The following LYPD6 variants were observed in gnomAD, a reference collection of about 807,000 sequenced individuals.
LYPD6 encodes the protein ly6/PLAUR domain-containing protein 6.
A neutral mutation model predicts 22.7 loss-of-function variants in LYPD6; 15 were observed. The ratio of observed to expected loss-of-function variants is 0.66; its 90% confidence interval spans 0.44 to 1.02. The LOEUF (loss-of-function observed/expected upper bound fraction) is 1.02, where lower values mean the gene tolerates loss of function less well. Among genes scored for constraint, LYPD6 ranks in the 50% least tolerant of loss-of-function variants. LYPD6 has a pLI of 0.00. For synonymous variants in LYPD6, 72 were observed against 77.5 expected, an observed-to-expected ratio of 0.93 and a Z score of 0.37; for missense variants, 189 against 208.4, an observed-to-expected ratio of 0.91 and a Z score of 0.57.
chr2:149,462,362 C>A (rs188959484), intron 3 of LYPD6, among the ~76,000 whole-genome samples: 60 of 151,668 alleles, frequency 4.0e-4, no homozygotes, highest in Admixed American at 1.3e-3. Flanking sequence ...TAAATCTAAG[C>A]AAAACATGTA....
intron 1 of LYPD6, among the ~76,000 whole-genome samples, chr2:149,428,771 C>T (rs1017831769): frequency 6.6e-6 from 1 of 152,154 alleles, no homozygotes. Flanking sequence ...CGAATGCCCC[C>T]TAGAACTTTG....
chr2:149,376,938 A>T (rs569048213), intron 1 of LYPD6, among the ~76,000 whole-genome samples: 1 of 152,288 alleles, frequency 6.6e-6, no homozygotes, highest in African/African-American at 2.4e-5. Flanking sequence ...TTTTATATAA[A>T]CTGTCTACAG....
chr2:149,361,502 C>T (rs1360414929), intron 1 of LYPD6, among the ~76,000 whole-genome samples: 1 of 152,168 alleles, frequency 6.6e-6, no homozygotes, highest in African/African-American at 2.4e-5. Flanking sequence ...CTCTTAAATA[C>T]ACATCACTTT....
chr2:149,333,257 G>C (rs541213064), intron 1 of LYPD6, among the ~76,000 whole-genome samples: 17 of 152,324 alleles, frequency 1.1e-4, no homozygotes, highest in Non-Finnish European at 1.8e-4. Flanking sequence ...TACTTGCAAA[G>C]CTAGCAATAA....
At chr2:149,359,631 A>G (rs7576161) in intron 1 of LYPD6, among the ~76,000 whole-genome samples, 3,324 of 152,354 alleles carry the variant, frequency 0.022, 99 homozygotes, top group African/African-American at 0.075. Context: ...GAAAAGGACC[A>G]GAAGCCAGGT....
chr2:149,457,422 A>G (rs1443975651), intron 3 of LYPD6, among the ~76,000 whole-genome samples: 3 of 152,180 alleles, frequency 2.0e-5, no homozygotes, highest in Admixed American at 6.5e-5. Flanking sequence ...ATTGTGTGCA[A>G]TGCCCTGTGT....
At chr2:149,336,212 G>T (rs932412381) in intron 1 of LYPD6, among the ~76,000 whole-genome samples, 2 of 152,168 alleles carry the variant, frequency 1.3e-5, no homozygotes, top group African/African-American at 4.8e-5. Flanking sequence ...GTAGTTTGGG[G>T]ATGGTCTAAT....
intron 1 of LYPD6, among the ~76,000 whole-genome samples, chr2:149,413,591 G>A (rs1001582459): frequency 1.3e-5 from 2 of 152,124 alleles, no homozygotes; most frequent in Non-Finnish European, 2.9e-5. Flanking sequence ...TCAGTTAACA[G>A]TTAATCTATT....
chr2:149,412,372 T>G (rs1308765720), intron 1 of LYPD6, among the ~76,000 whole-genome samples: 1 of 152,112 alleles, frequency 6.6e-6, no homozygotes, highest in South Asian at 2.1e-4. Flanking sequence ...TTTTTTTTTT[T>G]TGTGGACTGG....
chr2:149,365,932 G>C (rs1349079137), intron 1 of LYPD6, among the ~76,000 whole-genome samples: 1 of 152,192 alleles, frequency 6.6e-6, no homozygotes, highest in African/African-American at 2.4e-5. Context: ...AGGGCAGAGA[G>C]GAGAGCTGTT....
chr2:149,461,941 G>A lies in LYPD6; in HGVS notation c.218-6704G>A, dbSNP rs142007115. On this transcript the variant is annotated intron_variant, in intron 3 of 4. Transcript: ENST00000334166. ...ATTAAAAACCTACCACTAACATTATGCTTAATGGTAAAAGACTGCATGCAT... is the reference window on the plus strand; with the variant it reads ...ATTAAAAACCTACCACTAACATTATACTTAATGGTAAAAGACTGCATGCAT... Among the ~76,000 whole-genome samples the A allele has an allele frequency of 4.1e-4, 63 of 152,100 alleles. No homozygotes were observed. In the East Asian group the frequency reaches 5.4e-3, roughly 13 times the overall value.
chr2:149,479,777 C>T, the LYPD6 span, among the ~76,000 whole-genome samples: 2 of 152,152 alleles, frequency 1.3e-5, no homozygotes, highest in Non-Finnish European at 2.9e-5. Flanking sequence ...CCCTTCTTGC[C>T]CTATTTCAAT....
At chr2:149,361,888 G>A (rs773404610) in intron 1 of LYPD6, among the ~76,000 whole-genome samples, 6 of 152,080 alleles carry the variant, frequency 3.9e-5, no homozygotes, top group Non-Finnish European at 8.8e-5. Flanking sequence ...AAGGCAGGAG[G>A]GTTGGGGCAG....
downstream of LYPD6, among the ~76,000 whole-genome samples, chr2:149,478,483 GCA>G (rs769191812): frequency 6.6e-6 from 1 of 151,910 alleles, no homozygotes; most frequent in Non-Finnish European, 1.5e-5. Context: ...GAGTACAGTG[GCA>G]CAGTCATGGC....
At chr2:149,370,819 G>A (rs1211770153) in intron 1 of LYPD6, among the ~76,000 whole-genome samples, 4 of 152,106 alleles carry the variant, frequency 2.6e-5, no homozygotes, top group Non-Finnish European at 5.9e-5. Flanking sequence ...TGTTAGCTGG[G>A]CATGGTGGTG....
In LYPD6 at chr2:149,405,346, T is replaced by C. The variant is rs948309572; in HGVS notation, c.-71-32292T>C. ...CCTTGTACCTCTGGTAGAATTTGGCTGTGAATCCATCTGGTCCTGGACCCT... is the reference window on the plus strand; with the variant it reads ...CCTTGTACCTCTGGTAGAATTTGGCCGTGAATCCATCTGGTCCTGGACCCT... On this transcript the variant is annotated intron_variant, in intron 1 of 4. Coordinates refer to ENST00000334166, the MANE Select transcript of LYPD6 (RefSeq NM_194317.5). Among the ~76,000 whole-genome samples the C allele has an allele frequency of 4.5e-4, 68 of 152,314 alleles. No homozygotes were observed. The Middle Eastern group carries it at 0.01, about 23-fold the overall frequency.
chr2:149,360,050 T>C (rs1467145308), intron 1 of LYPD6, among the ~76,000 whole-genome samples: 1 of 152,192 alleles, frequency 6.6e-6, no homozygotes, highest in Non-Finnish European at 1.5e-5. Flanking sequence ...AGGTAGGCAA[T>C]TCCTGGAACT....
intron 1 of LYPD6, among the ~76,000 whole-genome samples, chr2:149,411,594 T>G (rs959220597): frequency 6.6e-6 from 1 of 152,198 alleles, no homozygotes; most frequent in African/African-American, 2.4e-5. Flanking sequence ...CGATATAATT[T>G]GAAACAAATT....
At chr2:149,433,253 A>G (rs1683356811) in intron 1 of LYPD6, among the ~76,000 whole-genome samples, 1 of 152,198 alleles carries the variant, frequency 6.6e-6, no homozygotes, top group Admixed American at 6.5e-5. Flanking sequence ...TGCTAAAGAA[A>G]TCAGGCCTAA....
Sources: allele counts gnomAD v4.1 joint callset (sites outside exome capture counted in the v4.1 genomes callset), GRCh38; gene constraint gnomAD v4.1.1; transcripts MANE v1.5; gene names NCBI Gene and HGNC (gene_info 2026-07-23, HGNC 2026-07-21).